The following DAPP1 variants were observed in gnomAD, a reference collection of about 807,000 sequenced individuals.
DAPP1 encodes dual adaptor of phosphotyrosine and 3-phosphoinositides 1.
DAPP1 carries 20 observed loss-of-function variants against 41.5 expected under a neutral mutation model. That is an observed-to-expected ratio of 0.48 (90% CI 0.34 to 0.70). The LOEUF (loss-of-function observed/expected upper bound fraction) is 0.70. DAPP1 is among the 30% of genes least tolerant of loss of function. DAPP1 has a pLI of 0.01. For synonymous variants in DAPP1, 113 were observed against 116.2 expected (o/e 0.97, Z 0.18); for missense variants, 233 against 333.4 (o/e 0.70, Z 2.35).
chr4:99,825,590 CA>C (rs1408412792), intron 1 of DAPP1, among the ~76,000 whole-genome samples: 2 of 152,200 alleles, frequency 1.3e-5, no homozygotes, highest in Non-Finnish European at 2.9e-5. Flanking sequence ...CTCATGTAAA[CA>C]TGGGCATTTA....
chr4:99,862,571 C>T (rs1293328196), intron 5 of DAPP1, among the ~76,000 whole-genome samples: 11 of 151,980 alleles, frequency 7.2e-5, no homozygotes, highest in Admixed American at 4.6e-4. Context: ...GATAGTATAT[C>T]GTCCATATTA....
intron 8 of DAPP1, 119 bp downstream of exon 8, chr4:99,866,240 C>G (rs1004634194): frequency 1.1e-5 from 7 of 637,380 alleles, no homozygotes; most frequent in African/African-American, 1.8e-5. Flanking sequence ...GTCTGGGTGT[C>G]TACTTCCAGG....
intron 1 of DAPP1, among the ~76,000 whole-genome samples, chr4:99,817,312 G>A (rs940696834): frequency 3.3e-5 from 5 of 152,196 alleles, no homozygotes; most frequent in Admixed American, 3.3e-4. Context: ...GGGATATAGA[G>A]GTGATGTTGC....
chr4:99,863,937 T>C (rs1200661331), intron 7 of DAPP1, 82 bp downstream of exon 7: 13 of 915,836 alleles, frequency 1.4e-5, no homozygotes, highest in Non-Finnish European at 2.0e-5. Context: ...AAGCTGTATA[T>C]CTTAATGTCT....
chr4:99,827,675 G>A (rs1460779128), intron 1 of DAPP1, among the ~76,000 whole-genome samples: 1 of 152,182 alleles, frequency 6.6e-6, no homozygotes, highest in East Asian at 1.9e-4. Context: ...AGAAACTAAT[G>A]CATTCTCGGG....
intron 8 of DAPP1, among the ~76,000 whole-genome samples, chr4:99,867,747 G>C (rs9996790): frequency 0.023 from 3,545 of 152,198 alleles, 50 homozygotes; most frequent in Middle Eastern, 0.041. Flanking sequence ...TCACTTGCCA[G>C]TGTTCTATAT....
At chr4:99,857,657 C>G (rs1388322819) in intron 4 of DAPP1, among the ~76,000 whole-genome samples, 1 of 149,160 alleles carries the variant, frequency 6.7e-6, no homozygotes, top group African/African-American at 2.5e-5. Context: ...TGTTGCTTAT[C>G]CTTTCAGTCT....
intron 1 of DAPP1, among the ~76,000 whole-genome samples, chr4:99,826,751 T>C (rs1250754751): frequency 6.6e-6 from 1 of 152,248 alleles, no homozygotes; most frequent in Non-Finnish European, 1.5e-5. Context: ...TCATTTCTCC[T>C]CTCAGAATGC....
chr4:99,853,690 G>GCA (rs1000255127), intron 4 of DAPP1, among the ~76,000 whole-genome samples: 7 of 152,118 alleles, frequency 4.6e-5, no homozygotes, highest in African/African-American at 1.7e-4. Context: ...ATGGTGGCAT[G>GCA]CACCTGTAGT....
At chr4:99,871,676 C>T (rs1724631221), downstream of DAPP1, among the ~76,000 whole-genome samples, 1 of 152,128 alleles carries the variant, frequency 6.6e-6, no homozygotes, top group Non-Finnish European at 1.5e-5. Flanking sequence ...AGCTGACTGG[C>T]AGGTAAAAGG....
At chr4:99,831,973 T>TA (rs34348509) in intron 1 of DAPP1, among the ~76,000 whole-genome samples, 10,157 of 146,924 alleles carry the variant, frequency 0.069, 389 homozygotes, top group Non-Finnish European at 0.1. Context: ...AACACAACCT[T>TA]AAAAAAAAAA....
At chr4:99,818,426 C>A (rs932358904) in intron 1 of DAPP1, among the ~76,000 whole-genome samples, 1 of 152,178 alleles carries the variant, frequency 6.6e-6, no homozygotes, top group South Asian at 2.1e-4. Context: ...AATAGAAAAC[C>A]CCAAAGGAGG....
chr4:99,861,005 G>T (rs62305044), intron 4 of DAPP1, among the ~76,000 whole-genome samples: 5,517 of 152,220 alleles, frequency 0.036, 150 homozygotes, highest in Middle Eastern at 0.11. Flanking sequence ...GGTAAATCAG[G>T]TGTAAATAAA....
At chr4:99,864,098 C>T in intron 7 of DAPP1, 1 of 305,330 alleles carries the variant, frequency 3.3e-6, no homozygotes, top group Non-Finnish European at 6.0e-6. Context: ...ATAGAGGATG[C>T]CATTCACATC....
chr4:99,840,202 T>C (rs1723449046), intron 2 of DAPP1, 87 bp from the exon 3 acceptor site: 5 of 918,892 alleles, frequency 5.4e-6, no homozygotes, highest in African/African-American at 5.1e-5. Flanking sequence ...AAAGGGTTAA[T>C]AGTGATGCTA....
intron 2 of DAPP1, among the ~76,000 whole-genome samples, chr4:99,837,928 T>A (rs1723356459): frequency 1.3e-5 from 2 of 152,096 alleles, no homozygotes; most frequent in South Asian, 4.2e-4. Context: ...ACAGCCTAGA[T>A]CCCTTGCATG....
chr4:99,848,385 G>A (rs1207861874), intron 3 of DAPP1, among the ~76,000 whole-genome samples: 1 of 151,594 alleles, frequency 6.6e-6, no homozygotes, highest in Non-Finnish European at 1.5e-5. Context: ...ATGCCACCAC[G>A]CCTGGCTAAT....
Position 99,868,780 on chromosome 4 carries a change from T to C in DAPP1, c.*595T>C, listed in dbSNP as rs1031332713. The C allele has an allele frequency of 6.6e-6, 1 of 151,806 alleles. No homozygotes were observed. The highest frequency in any genetic ancestry group is 1.5e-5 in the Non-Finnish European group (1 of 67,986). 9.4% of individuals were successfully genotyped at this position (151,806 alleles called of 1,614,324 possible). A position where few individuals can be genotyped will look rare whatever the true frequency, so the allele number is the denominator to read the frequency against. On this transcript the variant is annotated 3_prime_UTR_variant, in exon 9 of 9. Transcript: ENST00000512369. ...TTTCTCTTTTTAAAAGGTTCAGAAA[T>C]TTGGCAGGTCCTTTGCTTCTAATGA...
intron 1 of DAPP1, among the ~76,000 whole-genome samples, chr4:99,826,755 AG>A (rs1469207194): frequency 6.6e-6 from 1 of 152,202 alleles, no homozygotes; most frequent in East Asian, 1.9e-4. Flanking sequence ...TTCTCCTCTC[AG>A]AATGCCTCTC....
Sources: allele counts gnomAD v4.1 joint callset (sites outside exome capture counted in the v4.1 genomes callset), GRCh38; gene constraint gnomAD v4.1.1; transcripts MANE v1.5; gene names NCBI Gene and HGNC (gene_info 2026-07-23, HGNC 2026-07-21).